The following PAM variants were observed in gnomAD, a reference collection of about 807,000 sequenced individuals.
PAM encodes peptidyl-glycine alpha-amidating monooxygenase.
In PAM, 72 loss-of-function variants were observed where a neutral mutation model predicts 122.1. The ratio of observed to expected loss-of-function variants is 0.59; its 90% CI spans 0.49 to 0.72. The LOEUF (loss-of-function observed/expected upper bound fraction) is 0.72, where lower values mean the gene tolerates loss of function less well. PAM is among the 30% of genes least tolerant of loss of function. The pLI, the probability that PAM is intolerant of heterozygous loss-of-function variation, is 0.00. For synonymous variants in PAM, 389 were observed against 404.4 expected, an observed-to-expected ratio of 0.96 and a Z score of 0.46; for missense variants, 1,106 against 1,183.7, an observed-to-expected ratio of 0.93 and a Z score of 0.96.
At chr5:102,928,529 CTT>C (rs536084385) in intron 7 of PAM, among the ~76,000 whole-genome samples, 44 of 151,986 alleles carry the variant, frequency 2.9e-4, no homozygotes, top group Non-Finnish European at 5.0e-4. Context: ...ATTCATATAA[CTT>C]ATTGTAATAT....
intron 20 of PAM, among the ~76,000 whole-genome samples, chr5:103,008,255 ATATAT>A (rs1779622702): frequency 6.6e-6 from 1 of 151,818 alleles, no homozygotes; most frequent in Admixed American, 6.6e-5. Flanking sequence ...AATAATGAAA[ATATAT>A]TTAATTTCTG....
chr5:102,843,752 A>G (rs1311852033), intron 1 of PAM, among the ~76,000 whole-genome samples: 2 of 152,212 alleles, frequency 1.3e-5, no homozygotes. Flanking sequence ...TAAGCCTTCT[A>G]TAGATGCTCA....
intron 3 of PAM, among the ~76,000 whole-genome samples, chr5:102,894,529 G>A (rs991528994): frequency 2.0e-5 from 3 of 151,174 alleles, no homozygotes; most frequent in African/African-American, 4.9e-5. Context: ...CTCTCAATAC[G>A]CTGCCTCCTC....
At chr5:102,780,256 T>G (rs910698812) in intron 1 of PAM, among the ~76,000 whole-genome samples, 2 of 152,048 alleles carry the variant, frequency 1.3e-5, no homozygotes, top group Non-Finnish European at 2.9e-5. Flanking sequence ...CTGGGAGTGT[T>G]GGAAGATATG....
intron 23 of PAM, among the ~76,000 whole-genome samples, chr5:103,021,792 T>C (rs780818243): frequency 5.3e-5 from 8 of 152,192 alleles, no homozygotes; most frequent in Non-Finnish European, 8.8e-5. Flanking sequence ...ATCTTGAAAC[T>C]TAATTCAAAC....
chr5:102,759,559 A>G (rs61160896), intron 1 of PAM, among the ~76,000 whole-genome samples: 1 of 152,194 alleles, frequency 6.6e-6, no homozygotes, highest in African/African-American at 2.4e-5. Context: ...CTTAAAATTC[A>G]TATTTTATAA....
intron 12 of PAM, 28 bp from the exon 13 acceptor site, chr5:102,959,847 A>G: frequency 6.5e-7 from 1 of 1,544,170 alleles, no homozygotes. Flanking sequence ...TGAATAGTTG[A>G]TTTGTTATAT....
chr5:102,958,475 T>C (rs528129500), intron 12 of PAM, among the ~76,000 whole-genome samples: 1 of 152,262 alleles, frequency 6.6e-6, no homozygotes, highest in East Asian at 1.9e-4. Context: ...TTATAGCACA[T>C]ACTGACCAAC....
intron 7 of PAM, among the ~76,000 whole-genome samples, chr5:102,928,449 G>GT (rs932961429): frequency 1.2e-4 from 19 of 152,018 alleles, no homozygotes; most frequent in Admixed American, 1.2e-3. Context: ...TTCAATAGTA[G>GT]TTTTTTATTT....
At chr5:102,777,039 A>T (rs1056479073) in intron 1 of PAM, among the ~76,000 whole-genome samples, 6 of 152,032 alleles carry the variant, frequency 3.9e-5, no homozygotes, top group African/African-American at 1.4e-4. Flanking sequence ...TTTTATTCTT[A>T]ACTACTTAAT....
At chr5:103,008,930 G>T (rs2151097907) in intron 20 of PAM, among the ~76,000 whole-genome samples, 1 of 152,156 alleles carries the variant, frequency 6.6e-6, no homozygotes, top group East Asian at 1.9e-4. Context: ...CTATAATTTT[G>T]CACAATAGTA....
chr5:103,016,695 T>C (rs995064396), intron 21 of PAM, among the ~76,000 whole-genome samples: 1 of 152,198 alleles, frequency 6.6e-6, no homozygotes, highest in Non-Finnish European at 1.5e-5. Flanking sequence ...GCCCAGGAAG[T>C]ACTTGGAGGT....
intron 1 of PAM, among the ~76,000 whole-genome samples, chr5:102,766,926 A>ATTTTTTTGTTTTTTTTTTTTTTTTTTT: frequency 3.9e-5 from 1 of 25,830 alleles, no homozygotes; most frequent in Non-Finnish European, 7.7e-5. Flanking sequence ...TCAGTTGTGG[A>ATTTTTTTGTTTTTTTTTTTTTTTTTTT]TTTTTTTTTT....
chr5:102,943,080 G>C (rs2151916690), intron 7 of PAM, among the ~76,000 whole-genome samples: 1 of 152,174 alleles, frequency 6.6e-6, no homozygotes, highest in South Asian at 2.1e-4. Context: ...ATGTCTTTCT[G>C]AAGGACTTTC....
intron 21 of PAM, among the ~76,000 whole-genome samples, chr5:103,010,640 T>C (rs1417538695): frequency 6.6e-6 from 1 of 152,208 alleles, no homozygotes; most frequent in Non-Finnish European, 1.5e-5. Context: ...TTTAATTGGA[T>C]CAAAATACAA....
intron 1 of PAM, among the ~76,000 whole-genome samples, chr5:102,774,676 C>G (rs1193497277): frequency 6.6e-6 from 1 of 151,916 alleles, no homozygotes; most frequent in Non-Finnish European, 1.5e-5. Flanking sequence ...TTTGTGACTT[C>G]TGTATTCATA....
At position 102,942,736 on chromosome 5, in the gene PAM, AT is replaced by A. The variant is rs754559996; in HGVS notation, c.527-4086del. 4.4e-3 allele frequency among the ~76,000 whole-genome samples: 613 copies of A among 138,286 alleles called. 2 individuals are homozygous for A. Among genetic ancestry groups the A allele is most frequent in the Non-Finnish European group, 6.4e-3 (410 of 64,510 alleles). The allele number at this position is 138,286 out of a possible 152,430, so 90.7% of individuals were successfully genotyped here. A position where few individuals can be genotyped will look rare whatever the true frequency, so the allele number is the denominator to read the frequency against. ...AGTCACACGCCAGCATGCCCGGCTA[AT>A]TTTTTTTTTTTTTTGTAGAAATGCA... On this transcript the variant is annotated intron_variant, in intron 7 of 25. Transcript: ENST00000438793.
chr5:102,939,902 AAT>A (rs1013597927), intron 7 of PAM, among the ~76,000 whole-genome samples: 7 of 151,992 alleles, frequency 4.6e-5, no homozygotes, highest in Non-Finnish European at 1.0e-4. Context: ...GACCTTAAAA[AAT>A]ATATATATTC....
intron 3 of PAM, among the ~76,000 whole-genome samples, chr5:102,890,163 T>C (rs1372604769): frequency 6.6e-6 from 1 of 151,918 alleles, no homozygotes; most frequent in African/African-American, 2.4e-5. Context: ...TTTTCTTTTT[T>C]GTGCTGGTGC....
Sources: gnomAD v4.1 joint callset for allele counts (sites outside exome capture counted in the v4.1 genomes callset) on GRCh38, gnomAD v4.1.1 for gene constraint, MANE v1.5 for transcripts, NCBI Gene and HGNC (gene_info 2026-07-23, HGNC 2026-07-21) for gene names.